GPR39: variants seen among roughly 807,000 people sequenced by gnomAD.
GPR39 encodes G protein-coupled receptor 39.
Under a neutral mutation model 18.4 loss-of-function variants are expected in GPR39, and 23 were observed. The observed-to-expected ratio is 1.25, with a 90% CI of 0.90 to 1.77. GPR39 has a LOEUF of 1.77. Ranked by LOEUF, GPR39 falls within the 40% of genes most tolerant of loss-of-function variation. GPR39 has a pLI of 0.00. For synonymous variants in GPR39, 280 were observed against 257.9 expected (o/e 1.09, Z -0.82); for missense variants, 647 against 602.4 (o/e 1.07, Z -0.78).
intron 1 of GPR39, among the ~76,000 whole-genome samples, chr2:132,437,771 G>T (rs1680352170): frequency 6.6e-6 from 1 of 152,172 alleles, no homozygotes; most frequent in Non-Finnish European, 1.5e-5. Context: ...AGACACCAGG[G>T]AAGGAAGGCT....
intron 1 of GPR39, among the ~76,000 whole-genome samples, chr2:132,544,565 A>T (rs1258528532): frequency 6.6e-6 from 1 of 152,208 alleles, no homozygotes; most frequent in African/African-American, 2.4e-5. Flanking sequence ...GGCTTGCTGC[A>T]GGAGGTACTC....
intron 1 of GPR39, among the ~76,000 whole-genome samples, chr2:132,522,981 G>GA (rs1324695684): frequency 6.6e-6 from 1 of 151,902 alleles, no homozygotes; most frequent in African/African-American, 2.4e-5. Context: ...AGCCCTGGGG[G>GA]ACGAGGCCCA....
chr2:132,506,012 CT>C (rs1156665040), intron 1 of GPR39, among the ~76,000 whole-genome samples: 2 of 152,160 alleles, frequency 1.3e-5, no homozygotes, highest in African/African-American at 4.8e-5. Context: ...ATTTACATTC[CT>C]AGCAACAGTG....
chr2:132,482,617 G>T (rs1681256532), intron 1 of GPR39, among the ~76,000 whole-genome samples: 1 of 152,128 alleles, frequency 6.6e-6, no homozygotes, highest in Non-Finnish European at 1.5e-5. Context: ...AGGAATTGTG[G>T]CAGCCAACTT....
At chr2:132,445,168 T>C (rs1195195631) in intron 1 of GPR39, among the ~76,000 whole-genome samples, 1 of 152,218 alleles carries the variant, frequency 6.6e-6, no homozygotes, top group East Asian at 1.9e-4. Context: ...CTCGTACATG[T>C]AAACTACTGC....
At chr2:132,425,732 G>C (rs115787063) in intron 1 of GPR39, among the ~76,000 whole-genome samples, 3,774 of 152,270 alleles carry the variant, frequency 0.025, 138 homozygotes, top group African/African-American at 0.084. Context: ...GGAGAACTAA[G>C]AGTCAAAGCA....
intron 1 of GPR39, among the ~76,000 whole-genome samples, chr2:132,512,986 T>G (rs1313690164): frequency 6.6e-6 from 1 of 152,214 alleles, no homozygotes; most frequent in East Asian, 1.9e-4. Context: ...TTGACTGGGC[T>G]TAGCTGGGCA....
At chr2:132,535,339 T>G (rs1174987366) in intron 1 of GPR39, among the ~76,000 whole-genome samples, 1 of 152,214 alleles carries the variant, frequency 6.6e-6, no homozygotes, top group African/African-American at 2.4e-5. Flanking sequence ...GTTTTTGTGT[T>G]TATTTCTGTT....
intron 1 of GPR39, among the ~76,000 whole-genome samples, chr2:132,447,674 G>T (rs4356712): frequency 0.5 from 75,477 of 151,802 alleles, 20,440 homozygotes; most frequent in Non-Finnish European, 0.62. Flanking sequence ...AAAAATATTT[G>T]TTTTTTAGCA....
intron 1 of GPR39, chr2:132,644,793 C>CACAA (rs1681961873): frequency 3.1e-6 from 1 of 322,672 alleles, no homozygotes; most frequent in African/African-American, 2.2e-5. Flanking sequence ...TTTCTGGATA[C>CACAA]GCAAACAAAC....
chr2:132,450,888 T>G (rs1680619682), intron 1 of GPR39, among the ~76,000 whole-genome samples: 1 of 152,180 alleles, frequency 6.6e-6, no homozygotes, highest in African/African-American at 2.4e-5. Flanking sequence ...TGGAACCAAT[T>G]TGGTGAAAGG....
Position 132,646,089 on chromosome 2 carries a change from T to G in GPR39, c.*483T>G, listed in dbSNP as rs1445708989. The G allele has an allele frequency of 6.2e-7, 1 of 1,604,088 alleles. No homozygotes were observed. The highest frequency in any genetic ancestry group is 8.5e-7 in the Non-Finnish European group (1 of 1,174,400). ...AGGGCTAATTTGAGGAACAGGATGG[T>G]GGTGCGGAGCCCTGGCCTGAGGGCC... On this transcript the variant is annotated 3_prime_UTR_variant, in exon 2 of 2. Transcript: ENST00000329321.
chr2:132,548,392 G>A (rs1187245400), intron 1 of GPR39, among the ~76,000 whole-genome samples: 2 of 152,142 alleles, frequency 1.3e-5, no homozygotes, highest in African/African-American at 2.4e-5. Context: ...AATGCTATTT[G>A]CTCCCAGCAC....
chr2:132,461,782 A>C (rs1055504602), intron 1 of GPR39, among the ~76,000 whole-genome samples: 8 of 152,200 alleles, frequency 5.3e-5, no homozygotes, highest in African/African-American at 1.9e-4. Context: ...AGTATCTGTC[A>C]AGCACCTTGT....
chr2:132,636,469 C>A (rs1334802785), intron 1 of GPR39, among the ~76,000 whole-genome samples: 1 of 152,210 alleles, frequency 6.6e-6, no homozygotes, highest in Non-Finnish European at 1.5e-5. Context: ...CTCCACACTC[C>A]TGAAATGCCC....
chr2:132,434,181 TAAGA>T (rs1680271040), intron 1 of GPR39, among the ~76,000 whole-genome samples: 1 of 152,124 alleles, frequency 6.6e-6, no homozygotes, highest in African/African-American at 2.4e-5. Flanking sequence ...CGTTTATTAG[TAAGA>T]AAGAGAAGTG....
chr2:132,552,859 TATACATATATATACACATATATATATAC>T (rs1285296055), intron 1 of GPR39, among the ~76,000 whole-genome samples: 1 of 144,670 alleles, frequency 6.9e-6, no homozygotes, highest in Admixed American at 6.9e-5. Context: ...CACATATATA[TATACATATATATACACATATATATATAC>T]ACACATATAT....
Position 132,645,651 on chromosome 2 carries a change from TAAGAAAACGTCACTC to T in GPR39, c.*46_*60del. On this transcript the variant is annotated 3_prime_UTR_variant, in exon 2 of 2. Coordinates refer to ENST00000329321, the MANE Select transcript of GPR39 (RefSeq NM_001508.3). ...TGAGTGGGAACTGGCCCTCCAGCCCTAAGAAAACGTCACTCTCACTCTGCAGTCTCAAACTATGCC... is the reference window on the plus strand; with the variant it reads ...TGAGTGGGAACTGGCCCTCCAGCCCTTCACTCTGCAGTCTCAAACTATGCC... The T allele has an allele frequency of 6.4e-7, 1 of 1,569,434 alleles. No homozygotes were observed. Among genetic ancestry groups the T allele is most frequent in the Non-Finnish European group, 8.6e-7 (1 of 1,159,796 alleles).
chr2:132,618,325 T>C (rs1390715374), intron 1 of GPR39, among the ~76,000 whole-genome samples: 1 of 152,234 alleles, frequency 6.6e-6, no homozygotes, highest in South Asian at 2.1e-4. Flanking sequence ...ATTTTCAAGT[T>C]GTACGTTCCC....
Sources: allele counts gnomAD v4.1 joint callset (sites outside exome capture counted in the v4.1 genomes callset), GRCh38; gene constraint gnomAD v4.1.1; transcripts MANE v1.5; gene names NCBI Gene and HGNC (gene_info 2026-07-23, HGNC 2026-07-21).